The following MSRA variants were observed in gnomAD, a reference collection of about 807,000 sequenced individuals.
MSRA encodes the protein mitochondrial peptide methionine sulfoxide reductase.
In MSRA, 54 loss-of-function variants were observed where a neutral mutation model predicts 31.3. The observed-to-expected ratio is 1.73, with a 90% CI of 1.39 to 2.17. The LOEUF is 2.17. Ranked by LOEUF, MSRA falls within the 30% of genes most tolerant of loss-of-function variation. The pLI is 0.00. For synonymous variants in MSRA, 169 were observed against 116.5 expected (o/e 1.45, Z -2.90); for missense variants, 507 against 300.9 (o/e 1.69, Z -5.07).
intron 4 of MSRA, among the ~76,000 whole-genome samples, chr8:10,303,852 T>C (rs1321505015): frequency 6.6e-6 from 1 of 152,242 alleles, no homozygotes; most frequent in Non-Finnish European, 1.5e-5. Flanking sequence ...GTAACAAAAA[T>C]CCTTACTAAT....
chr8:10,223,622 A>G (rs1261581262), intron 2 of MSRA, among the ~76,000 whole-genome samples: 2 of 152,200 alleles, frequency 1.3e-5, no homozygotes, highest in Non-Finnish European at 2.9e-5. Context: ...AGAGAATGGC[A>G]GGTGGTGTAA....
intron 5 of MSRA, among the ~76,000 whole-genome samples, chr8:10,395,693 C>T (rs938341066): frequency 1.3e-5 from 2 of 152,166 alleles, no homozygotes; most frequent in African/African-American, 4.8e-5. Flanking sequence ...TCTGCACATC[C>T]ATTGACCCTG....
At chr8:10,262,013 G>A (rs4305909) in intron 3 of MSRA, among the ~76,000 whole-genome samples, 109,096 of 152,100 alleles carry the variant, frequency 0.72, 40,125 homozygotes, top group East Asian at 0.84. Flanking sequence ...TCACTTAGCA[G>A]TATGTATTTA....
intron 1 of MSRA, among the ~76,000 whole-genome samples, chr8:10,146,584 A>G (rs1476928075): frequency 1.3e-5 from 2 of 152,122 alleles, no homozygotes; most frequent in East Asian, 3.9e-4. Flanking sequence ...GGGTGATGAC[A>G]GTGTTCTGAA....
intron 3 of MSRA, among the ~76,000 whole-genome samples, chr8:10,255,356 C>A (rs1242571241): frequency 6.6e-5 from 10 of 152,180 alleles, no homozygotes; most frequent in Non-Finnish European, 1.3e-4. Context: ...GCCAGGAGCC[C>A]CAGGCAGAGA....
chr8:10,286,445 A>T (rs886073638), intron 3 of MSRA, among the ~76,000 whole-genome samples: 2 of 152,210 alleles, frequency 1.3e-5, no homozygotes, highest in Admixed American at 1.3e-4. Flanking sequence ...CATCCATGTA[A>T]GATGTGACTT....
At chr8:10,141,028 C>T (rs17690549) in intron 1 of MSRA, among the ~76,000 whole-genome samples, 1 of 151,898 alleles carries the variant, frequency 6.6e-6, no homozygotes, top group African/African-American at 2.4e-5. Flanking sequence ...ACTGGTGTAA[C>T]ATAAGAAAAG....
At chr8:10,074,950 C>T (rs567147655) in intron 1 of MSRA, among the ~76,000 whole-genome samples, 9 of 152,286 alleles carry the variant, frequency 5.9e-5, no homozygotes, top group South Asian at 4.1e-4. Flanking sequence ...TGAGCCACCA[C>T]GCCCGGCACC....
intron 5 of MSRA, among the ~76,000 whole-genome samples, chr8:10,376,707 G>A (rs1189189793): frequency 6.6e-6 from 1 of 152,186 alleles, no homozygotes; most frequent in Non-Finnish European, 1.5e-5. Flanking sequence ...TAGTGATCTA[G>A]TTCAACTCTT....
chr8:10,394,945 T>C (rs1477948946), intron 5 of MSRA, among the ~76,000 whole-genome samples: 1 of 152,228 alleles, frequency 6.6e-6, no homozygotes, highest in African/African-American at 2.4e-5. Flanking sequence ...ACTGAGTCTC[T>C]TCGATGTTGA....
chr8:10,113,292 CTTTT>C lies in MSRA; in HGVS notation c.142+58653_142+58656del, dbSNP rs10665004. Among the ~76,000 whole-genome samples the C allele has an allele frequency of 3.8e-4, 22 of 57,606 alleles. 2 individuals carry two copies. The South Asian group carries it at 0.012, about 32-fold the overall frequency. 37.8% of individuals were successfully genotyped at this position (57,606 alleles called of 152,430 possible). On this transcript the variant is annotated intron_variant, in intron 1 of 5. Coordinates refer to ENST00000317173, the MANE Select transcript of MSRA (RefSeq NM_012331.5). ...CATGGCTTTGGTGAAGACAGGTCTTCTTTTTTTTTTTTTTTTTTTTTTGGAGGTG... is the reference window on the plus strand; with the variant it reads ...CATGGCTTTGGTGAAGACAGGTCTTCTTTTTTTTTTTTTTTTTTGGAGGTG...
At chr8:10,240,630 T>A (rs1346073389) in intron 2 of MSRA, among the ~76,000 whole-genome samples, 1 of 152,180 alleles carries the variant, frequency 6.6e-6, no homozygotes, top group East Asian at 1.9e-4. Flanking sequence ...GGCCTCTGAC[T>A]AGGCAGCCAA....
Position 10,283,802 on chromosome 8 carries a change from CATAT to C in MSRA, c.332-17700_332-17697del, listed in dbSNP as rs375322603. On this transcript the variant is annotated intron_variant, in intron 3 of 5. Coordinates refer to ENST00000317173, the MANE Select transcript of MSRA (RefSeq NM_012331.5). ...TTTTTGGTTGAGTAGTATTCTATCT[CATAT>C]ATATATATATATATATATATATATA... 9.6e-3 allele frequency among the ~76,000 whole-genome samples: 441 copies of C among 46,152 alleles called. 3 individuals are homozygous for C. Among genetic ancestry groups the C allele is most frequent in the African/African-American group, 0.017 (152 of 8,764 alleles). The allele number at this position is 46,152 out of a possible 152,430, so 30.3% of individuals were successfully genotyped here.
intron 3 of MSRA, among the ~76,000 whole-genome samples, chr8:10,246,311 G>A (rs1360247038): frequency 6.6e-6 from 1 of 152,144 alleles, no homozygotes; most frequent in Non-Finnish European, 1.5e-5. Context: ...TGCCCTCATG[G>A]CAAATTCTGT....
chr8:10,380,161 C>G (rs1345640798), intron 5 of MSRA, among the ~76,000 whole-genome samples: 1 of 152,238 alleles, frequency 6.6e-6, no homozygotes, highest in East Asian at 1.9e-4. Flanking sequence ...GGGCCCTGCT[C>G]TCTCTTGCCT....
rs1170529010 is a variant in MSRA at position 10,054,650 on chromosome 8, C to T, written c.134C>T (p.Pro45Leu). Residue 45 changes from proline to leucine, a missense_variant, in exon 1 of 6, where the codon CCT (proline) becomes CTT (leucine). Transcript: ENST00000317173. ...EALPGRKEQT[P>L]VAAKHHVNGN... The stretch of plus-strand genomic sequence containing the variant: ...TTGCCGGGCCGGAAGGAACAGACCC[C>T]TGTAGCGGGTAAGCACTGGCCACAC... 18 of 1,564,696 alleles carry T rather than the reference C, an allele frequency of 1.2e-5. No homozygotes were observed. Among genetic ancestry groups the T allele is most frequent in the Non-Finnish European group, 1.5e-5 (17 of 1,156,454 alleles).
chr8:10,140,693 C>G (rs749602168), intron 1 of MSRA, among the ~76,000 whole-genome samples: 1 of 151,996 alleles, frequency 6.6e-6, no homozygotes, highest in African/African-American at 2.4e-5. Flanking sequence ...TCAGAAGTTA[C>G]CAGTGCACAG....
chr8:10,299,215 GAAGA>G (rs1322727707), intron 3 of MSRA, among the ~76,000 whole-genome samples: 1 of 152,118 alleles, frequency 6.6e-6, no homozygotes, highest in Non-Finnish European at 1.5e-5. Flanking sequence ...TGTAAATTGA[GAAGA>G]AATAGCCTGT....
chr8:10,199,477 G>A (rs1808307083), intron 1 of MSRA, among the ~76,000 whole-genome samples: 2 of 152,098 alleles, frequency 1.3e-5, no homozygotes, highest in African/African-American at 2.4e-5. Context: ...GCGCCACCGT[G>A]CCCTGCTAAT....
Sources: gnomAD v4.1 joint callset for allele counts (sites outside exome capture counted in the v4.1 genomes callset) on GRCh38, gnomAD v4.1.1 for gene constraint, MANE v1.5 for transcripts, NCBI Gene and HGNC (gene_info 2026-07-23, HGNC 2026-07-21) for gene names.